Variants in YBX3 observed in about 807,000 individuals in gnomAD.
The protein encoded by YBX3 is Y-box binding protein 3.
YBX3 carries 29 observed loss-of-function variants against 42.4 expected under a neutral mutation model. The ratio of observed to expected loss-of-function variants is 0.68; its 90% confidence interval spans 0.51 to 0.93. YBX3 has a LOEUF of 0.93. Among genes scored for constraint, YBX3 ranks in the 40% least tolerant of loss-of-function variants. YBX3 has a pLI of 0.00. For missense variants in YBX3, 517 were observed against 527.5 expected (o/e 0.98, Z 0.19); for synonymous variants, 195 against 189.8 (o/e 1.03, Z -0.22).
At chr12:10,703,475 CCTTTA>C (rs767465538) in intron 7 of YBX3, 2 of 317,938 alleles carry the variant, frequency 6.3e-6, no homozygotes, top group Admixed American at 8.0e-5. Flanking sequence ...CATAGTGAGG[CCTTTA>C]CTTTATCAGG....
At chr12:10,715,079 A>T (rs1030684245) in intron 4 of YBX3, among the ~76,000 whole-genome samples, 3 of 152,172 alleles carry the variant, frequency 2.0e-5, no homozygotes, top group African/African-American at 7.2e-5. Flanking sequence ...TTGTTAATAC[A>T]TAAGATAGTT....
chr12:10,716,491 T>C (rs992213039), intron 3 of YBX3, among the ~76,000 whole-genome samples: 1 of 152,026 alleles, frequency 6.6e-6, no homozygotes, highest in African/African-American at 2.4e-5. Flanking sequence ...TTAGTGAAGA[T>C]GCTATTCTTC....
intron 3 of YBX3, chr12:10,717,794 CT>C (rs1317763814): frequency 8.4e-6 from 2 of 237,196 alleles, no homozygotes; most frequent in African/African-American, 4.5e-5. Flanking sequence ...GGGAAACAGA[CT>C]TTTCTTTTTT....
At chr12:10,701,514 TC>T (rs1347546297) in intron 8 of YBX3, among the ~76,000 whole-genome samples, 161 bp from the exon 9 acceptor site, 1 of 152,100 alleles carries the variant, frequency 6.6e-6, no homozygotes, top group Non-Finnish European at 1.5e-5. Flanking sequence ...CCATATTCAG[TC>T]CCTGGCATCT....
At chr12:10,708,665 TAA>T (rs1948164842) in intron 6 of YBX3, among the ~76,000 whole-genome samples, 1 of 152,244 alleles carries the variant, frequency 6.6e-6, no homozygotes, top group African/African-American at 2.4e-5. Flanking sequence ...TAAATGCAGT[TAA>T]GTTACAGGAA....
chr12:10,701,592 A>C (rs1291527605), intron 8 of YBX3, among the ~76,000 whole-genome samples: 1 of 142,034 alleles, frequency 7.0e-6, no homozygotes, highest in Admixed American at 7.1e-5. Flanking sequence ...AATTAGTACC[A>C]TATAAGAACA....
At chr12:10,711,108 T>G (rs1172111366) in intron 5 of YBX3, 1 of 152,088 alleles carries the variant, frequency 6.6e-6, no homozygotes. Flanking sequence ...TTCTAAATAA[T>G]AGATCTTATT....
At chr12:10,710,442 C>T in intron 5 of YBX3, 2 of 1,243,750 alleles carry the variant, frequency 1.6e-6, no homozygotes, top group Non-Finnish European at 2.0e-6. Flanking sequence ...ATAATTTTTG[C>T]TCCATCAAAT....
rs1948050540 is a variant in YBX3 at position 10,699,108 on chromosome 12, T to C, written c.*581A>G. The C allele has an allele frequency of 6.6e-6, 1 of 152,616 alleles. No individual in the cohort carries two copies. Among genetic ancestry groups the C allele is most frequent in the Non-Finnish European group, 1.5e-5 (1 of 68,032 alleles). 9.5% of individuals were successfully genotyped at this position (152,616 alleles called of 1,614,324 possible). ...ATTCTGTCCTCTGAAGGGTAAAAAT[T>C]TTATTTTTGAGGAATTTCTTACTGC... On this transcript the variant is annotated 3_prime_UTR_variant, in exon 10 of 10. Transcript: ENST00000228251.
chr12:10,723,069 G>GGGTGGTGGTGGT lies in YBX3; in HGVS notation c.31_42dup (p.Thr11_Thr14dup), dbSNP rs566378677. 8.3e-7 allele frequency: 1 copy of GGGTGGTGGTGGT among 1,207,658 alleles called. No individual in the cohort carries two copies. The highest frequency in any genetic ancestry group is 1.0e-6 in the Non-Finnish European group (1 of 974,162). 74.8% of individuals were successfully genotyped at this position (1,207,658 alleles called of 1,614,324 possible). ...GCCGCCTCCGTCGGAGCCTGCGGGA[G>GGGTGGTGGTGGT]GGTGGTGGTGGTGGTGGTGGTGGCC... On this transcript the variant is annotated inframe_insertion, in exon 1 of 10. Coordinates refer to ENST00000228251, the MANE Select transcript of YBX3 (RefSeq NM_003651.5).
intron 6 of YBX3, among the ~76,000 whole-genome samples, chr12:10,707,572 A>G (rs565338457): frequency 1.3e-5 from 2 of 152,324 alleles, no homozygotes; most frequent in Admixed American, 1.3e-4. Flanking sequence ...AGATTATAGC[A>G]GCTGTTCTCC....
Position 10,715,768 on chromosome 12 carries a change from T to A in YBX3, c.376A>T (p.Asn126Tyr). ...CTGCGCAGATATTTCCGTGGGTTAT[T>A]CTTCTTGATGGCAGTCTGGAAAGAG... The part of the protein sequence containing the change: ...VFVHQTAIKK[N>Y]NPRKYLRSVG... The change falls in exon 4 of 10, where the codon AAT becomes TAT. Residue 126 changes from asparagine (N) to tyrosine (Y), a missense_variant. By Grantham distance (143) the Asn-to-Tyr change is moderately radical. This residue lies in a region of YBX3 where 420 missense variants were observed against 408.5 expected (regional missense o/e 1.03). Coordinates refer to ENST00000228251, the MANE Select transcript of YBX3 (RefSeq NM_003651.5). 1 of 1,614,068 alleles carries A rather than the reference T, an allele frequency of 6.2e-7. No homozygotes were observed.
chr12:10,710,291 C>A, intron 5 of YBX3, 177 bp from the exon 6 acceptor site: 1 of 1,490,382 alleles, frequency 6.7e-7, no homozygotes, highest in Non-Finnish European at 8.9e-7. Context: ...GGATAAACTA[C>A]ATTAAGATTA....
intron 4 of YBX3, among the ~76,000 whole-genome samples, chr12:10,715,285 C>G (rs1444933383): frequency 6.6e-6 from 1 of 151,690 alleles, no homozygotes; most frequent in South Asian, 2.1e-4. Flanking sequence ...TGGCTCACAC[C>G]TGTAATCCCA....
chr12:10,714,279 T>C lies in YBX3; in HGVS notation c.451-946A>G, dbSNP rs74681513. On this transcript the variant is annotated intron_variant, in intron 4 of 9. Coordinates refer to ENST00000228251, the MANE Select transcript of YBX3 (RefSeq NM_003651.5). Reference sequence around the variant, plus strand: ...CATGACCTATGGAATGGTATATGTGTATATGGGAGGAGCACATACAGGGAG... The same window carrying C: ...CATGACCTATGGAATGGTATATGTGCATATGGGAGGAGCACATACAGGGAG... Among the ~76,000 whole-genome samples, 822 of 152,340 alleles carry C rather than the reference T, an allele frequency of 5.4e-3. 10 individuals are homozygous for C. The highest frequency in any genetic ancestry group is 0.032 in the East Asian group (166 of 5,192).
chr12:10,718,981 A>C (rs1948294409), intron 2 of YBX3, 99 bp downstream of exon 2: 2 of 1,117,704 alleles, frequency 1.8e-6, no homozygotes, highest in South Asian at 2.9e-5. Context: ...AAACCTAAAA[A>C]ATTTATATAA....
rs1322464677 is a variant in YBX3, at chr12:10,704,088, C to T, written c.841G>A (p.Val281Ile). 2 of 1,614,046 alleles carry T rather than the reference C, an allele frequency of 1.2e-6. No homozygotes were observed. Among genetic ancestry groups the T allele is most frequent in the Non-Finnish European group, 1.7e-6 (2 of 1,180,036 alleles). The change falls in exon 7 of 10, where the codon GTT becomes ATT. Residue 281 changes from valine (V) to isoleucine (I), a missense_variant. This residue lies in a region of YBX3 where 420 missense variants were observed against 408.5 expected (regional missense o/e 1.03). Transcript: ENST00000228251. ...GGGCGGTAAGTTGGATTTCGATGAACCGGTCCCTGAAGTTGTGCTCCCTCT... is the reference window on the plus strand; with the variant it reads ...GGGCGGTAAGTTGGATTTCGATGAATCGGTCCCTGAAGTTGTGCTCCCTCT... ...VPEGAQLQGP[V>I]HRNPTYRPRY...
intron 6 of YBX3, among the ~76,000 whole-genome samples, chr12:10,707,372 T>G (rs1323195217): frequency 6.6e-6 from 1 of 152,192 alleles, no homozygotes; most frequent in Non-Finnish European, 1.5e-5. Flanking sequence ...CCGTATTTGT[T>G]TAAATCAAAA....
At chr12:10,720,395 C>T (rs1190880440) in intron 1 of YBX3, among the ~76,000 whole-genome samples, 1 of 152,066 alleles carries the variant, frequency 6.6e-6, no homozygotes, top group Non-Finnish European at 1.5e-5. Flanking sequence ...CTTTATATCT[C>T]CAAAGTTATG....
Sources: allele counts gnomAD v4.1 joint callset (sites outside exome capture counted in the v4.1 genomes callset), GRCh38; gene constraint gnomAD v4.1.1; regional missense constraint gnomAD v4.1.1; transcripts MANE v1.5; gene names NCBI Gene and HGNC (gene_info 2026-07-23, HGNC 2026-07-21).